Variants in SHROOM3 observed in about 807,000 individuals in gnomAD.
SHROOM3 encodes shroom family member 3.
Under a neutral mutation model 138.6 loss-of-function variants are expected in SHROOM3, and 47 were observed. The observed-to-expected ratio is 0.34, with a 90% CI of 0.27 to 0.43. SHROOM3 has a LOEUF of 0.43. SHROOM3 is among the 20% of genes least tolerant of loss of function. SHROOM3 has a pLI of 1.00. For synonymous variants in SHROOM3, 1,062 were observed against 1,063.3 expected, an observed-to-expected ratio of 1.00 and a Z score of 0.02; for missense variants, 2,491 against 2,596.5, an observed-to-expected ratio of 0.96 and a Z score of 0.88.
chr4:76,689,584 T>C, intron 2 of SHROOM3: 1 of 984,896 alleles, frequency 1.0e-6, no homozygotes, highest in Non-Finnish European at 1.2e-6. Context: ...GTTGAGCGCG[T>C]TGGGCCCCGC....
In SHROOM3 at chr4:76,460,827, C is replaced by CAAAAA. The variant is rs58793404; in HGVS notation, c.168+24620_168+24624dup. ...GTAACACAGTGAAAGCCCGTATCTA[C>CAAAAA]AAAAAAAAAAAAAAAAATTAGCCAG... is the stretch of plus-strand genomic sequence containing the variant. On this transcript the variant is annotated intron_variant, in intron 1 of 10. Coordinates refer to ENST00000296043, the MANE Select transcript of SHROOM3 (RefSeq NM_020859.4). 5.8e-4 allele frequency among the ~76,000 whole-genome samples: 46 copies of CAAAAA among 78,774 alleles called. 1 individual carries two copies. Among genetic ancestry groups the CAAAAA allele is most frequent in the Admixed American group, 3.8e-3 (20 of 5,224 alleles). The allele number at this position is 78,774 out of a possible 152,430, so 51.7% of individuals were successfully genotyped here. A position where few individuals can be genotyped will look rare whatever the true frequency, so the allele number is the denominator to read the frequency against.
chr4:76,778,501 C>T (rs1001300521), intron 10 of SHROOM3, among the ~76,000 whole-genome samples: 6 of 152,118 alleles, frequency 3.9e-5, no homozygotes, highest in Non-Finnish European at 8.8e-5. Context: ...GAATTATAGG[C>T]GTGAGCCACC....
chr4:76,659,178 C>T (rs779334924), intron 2 of SHROOM3, among the ~76,000 whole-genome samples: 3 of 152,092 alleles, frequency 2.0e-5, no homozygotes, highest in Non-Finnish European at 4.4e-5. Context: ...TACTCAAGGC[C>T]CATCCTTCAG....
intron 2 of SHROOM3, among the ~76,000 whole-genome samples, chr4:76,705,594 C>T (rs928932900): frequency 1.3e-5 from 2 of 152,170 alleles, no homozygotes; most frequent in East Asian, 1.9e-4. Context: ...TGAATGTCCT[C>T]ATCATGGGAA....
intron 3 of SHROOM3, among the ~76,000 whole-genome samples, chr4:76,726,859 CT>C (rs929883238): frequency 6.6e-6 from 1 of 152,082 alleles, no homozygotes; most frequent in Non-Finnish European, 1.5e-5. Flanking sequence ...ATCTTTTTTC[CT>C]GTGGAGCCTG....
At chr4:76,697,109 T>C (rs1181300166) in intron 2 of SHROOM3, among the ~76,000 whole-genome samples, 2 of 144,070 alleles carry the variant, frequency 1.4e-5, no homozygotes, top group Non-Finnish European at 3.0e-5. Flanking sequence ...TTTTTTTTGG[T>C]AAGAGATGAG....
At chr4:76,553,706 G>A (rs11731856) in intron 1 of SHROOM3, among the ~76,000 whole-genome samples, 41,993 of 151,778 alleles carry the variant, frequency 0.28, 6,785 homozygotes, top group Middle Eastern at 0.4. Context: ...GCGCAGGGTG[G>A]TCTTGGACTC....
chr4:76,574,446 TCTGATG>T (rs1244148570), intron 2 of SHROOM3, among the ~76,000 whole-genome samples: 5 of 152,174 alleles, frequency 3.3e-5, no homozygotes, highest in African/African-American at 1.2e-4. Context: ...TCCCCATGAT[TCTGATG>T]CACCCTAAAG....
intron 1 of SHROOM3, among the ~76,000 whole-genome samples, chr4:76,493,750 G>A (rs777688164): frequency 6.6e-6 from 1 of 152,202 alleles, no homozygotes; most frequent in Non-Finnish European, 1.5e-5. Context: ...GGAGGCCAAG[G>A]TGGGCGGATC....
chr4:76,585,456 C>G (rs1304345106), intron 2 of SHROOM3, among the ~76,000 whole-genome samples: 2 of 152,118 alleles, frequency 1.3e-5, no homozygotes, highest in Admixed American at 6.5e-5. Context: ...TACTGTTAAG[C>G]TGACCCCTAC....
At chr4:76,502,182 C>T (rs1015863312) in intron 1 of SHROOM3, among the ~76,000 whole-genome samples, 1 of 152,158 alleles carries the variant, frequency 6.6e-6, no homozygotes, top group African/African-American at 2.4e-5. Flanking sequence ...ATCAAGAAAG[C>T]CCTCACCGGA....
chr4:76,754,481 G>A lies in SHROOM3; in HGVS notation c.3998G>A (p.Arg1333Lys). ...CAAGCCAGTAGGACACCCTGCCCCAGGCCACCACTGGCAGGAACGCAAGGG... is the reference window on the plus strand; with the variant it reads ...CAAGCCAGTAGGACACCCTGCCCCAAGCCACCACTGGCAGGAACGCAAGGG... ...QRQASRTPCPRPPLAGTQGLV... is the reference protein window; with the variant it reads ...QRQASRTPCPKPPLAGTQGLV... Residue 1333 changes from arginine to lysine, a missense_variant, in exon 7 of 11, where the codon AGG (arginine) becomes AAG (lysine). Coordinates refer to ENST00000296043, the MANE Select transcript of SHROOM3 (RefSeq NM_020859.4). The A allele has an allele frequency of 1.2e-6, 2 of 1,614,150 alleles. No homozygotes were observed. The highest frequency in any genetic ancestry group is 1.7e-6 in the Non-Finnish European group (2 of 1,180,018).
intron 9 of SHROOM3, 73 bp downstream of exon 9, chr4:76,759,768 T>C: frequency 6.5e-7 from 1 of 1,547,588 alleles, no homozygotes; most frequent in South Asian, 1.2e-5. Context: ...ATCAGCGTGG[T>C]GACTGGGCCT....
At chr4:76,769,060 G>T (rs970205591) in intron 9 of SHROOM3, among the ~76,000 whole-genome samples, 1 of 151,856 alleles carries the variant, frequency 6.6e-6, no homozygotes, top group South Asian at 2.1e-4. Context: ...AGTACAAAAA[G>T]TTGTCAGTAC....
chr4:76,577,678 G>C (rs1733968846), intron 2 of SHROOM3, among the ~76,000 whole-genome samples: 1 of 152,182 alleles, frequency 6.6e-6, no homozygotes, highest in Non-Finnish European at 1.5e-5. Flanking sequence ...ACAGGTTCAA[G>C]ACAAGTCCCC....
rs1721273380 is a variant in SHROOM3 at position 76,741,992 on chromosome 4, C to T, written c.3753+66C>T. The T allele has an allele frequency of 2.6e-6, 4 of 1,561,138 alleles. No individual in the cohort carries two copies. Among genetic ancestry groups the T allele is most frequent in the Admixed American group, 3.6e-5 (2 of 55,460 alleles). On this transcript the variant is annotated intron_variant, in intron 5 of 10. Transcript: ENST00000296043. This position sits in a 1 kb window ranked among gnomAD's most constrained non-coding sequence, Gnocchi z 6.2. ...CCTCCCTAGAAGCTTTAGTGGGGCT[C>T]CCCAACCCCCCACACTCTCACCCGC... is the stretch of plus-strand genomic sequence containing the variant.
In SHROOM3 at chr4:76,693,884, C is replaced by G. The variant is rs902577155; in HGVS notation, c.324-16272C>G. Among the ~76,000 whole-genome samples the G allele has an allele frequency of 2.7e-5, 4 of 147,786 alleles. No individual in the cohort carries two copies. In the East Asian group the frequency reaches 5.9e-4, roughly 22 times the overall value. ...ACTGATTTAATGATGATTGTCGAAG[C>G]TGAGCTCCCAGATGAGGCTCACAAC... On this transcript the variant is annotated intron_variant, in intron 2 of 10. Coordinates refer to ENST00000296043, the MANE Select transcript of SHROOM3 (RefSeq NM_020859.4).
intron 10 of SHROOM3, among the ~76,000 whole-genome samples, chr4:76,773,848 G>C (rs1238293890): frequency 2.0e-5 from 3 of 152,158 alleles, no homozygotes; most frequent in African/African-American, 2.4e-5. Context: ...TGGAGAGGCA[G>C]ACACAATATC....
chr4:76,689,376 G>A (rs1719436441), intron 2 of SHROOM3, among the ~76,000 whole-genome samples: 1 of 145,444 alleles, frequency 6.9e-6, no homozygotes, highest in Admixed American at 6.8e-5. Context: ...CCAGCGCCGA[G>A]CCAGCGCGGC....
Sources: allele counts gnomAD v4.1 joint callset (sites outside exome capture counted in the v4.1 genomes callset), GRCh38; gene constraint gnomAD v4.1.1; non-coding constraint Gnocchi (gnomAD v3.1); transcripts MANE v1.5; gene names NCBI Gene and HGNC (gene_info 2026-07-23, HGNC 2026-07-21).